NELL2: variants seen among roughly 807,000 people sequenced by gnomAD.
The protein encoded by NELL2 is protein kinase C-binding protein NELL2.
In NELL2, 41 loss-of-function variants were observed where a neutral mutation model predicts 109.6. The ratio of observed to expected loss-of-function variants is 0.37; its 90% CI spans 0.29 to 0.49. The LOEUF (loss-of-function observed/expected upper bound fraction) is 0.49. Ranked by LOEUF, NELL2 falls within the 20% of genes least tolerant of loss-of-function variation. The pLI is 0.98. For synonymous variants in NELL2, 355 were observed against 344.7 expected, an observed-to-expected ratio of 1.03 and a Z score of -0.33; for missense variants, 900 against 1,008.3, an observed-to-expected ratio of 0.89 and a Z score of 1.45.
chr12:44,588,031 G>A (rs1421062336), intron 15 of NELL2, among the ~76,000 whole-genome samples: 1 of 151,996 alleles, frequency 6.6e-6, no homozygotes, highest in Non-Finnish European at 1.5e-5. Context: ...GGCACCTGTA[G>A]TCCCAGCCAC....
At chr12:44,906,609 A>G (rs527719937) in intron 1 of NELL2, among the ~76,000 whole-genome samples, 19 of 152,170 alleles carry the variant, frequency 1.2e-4, no homozygotes, top group African/African-American at 3.4e-4. Flanking sequence ...TTGAGATATG[A>G]GAGAAAAAGA....
At chr12:44,852,927 T>C (rs904232829) in intron 2 of NELL2, among the ~76,000 whole-genome samples, 3 of 152,152 alleles carry the variant, frequency 2.0e-5, no homozygotes, top group African/African-American at 7.2e-5. Context: ...GCACCTATGA[T>C]AAGGATAATG....
At chr12:44,584,986 C>T (rs1944443515) in intron 15 of NELL2, among the ~76,000 whole-genome samples, 1 of 152,132 alleles carries the variant, frequency 6.6e-6, no homozygotes, top group African/African-American at 2.4e-5. Context: ...GCTTGATAGG[C>T]CTTTGTGACT....
At chr12:44,640,522 T>C (rs1247668146) in intron 13 of NELL2, among the ~76,000 whole-genome samples, 1 of 152,204 alleles carries the variant, frequency 6.6e-6, no homozygotes, top group Non-Finnish European at 1.5e-5. Flanking sequence ...CTCAAAAATT[T>C]TAAAATCAAT....
intron 3 of NELL2, among the ~76,000 whole-genome samples, chr12:44,791,678 G>A (rs904533229): frequency 1.3e-5 from 2 of 152,040 alleles, no homozygotes; most frequent in Non-Finnish European, 2.9e-5. Context: ...TGACTCTAAT[G>A]TTTTGTACTT....
At chr12:44,525,526 T>C (rs1291102753) in intron 16 of NELL2, among the ~76,000 whole-genome samples, 1 of 152,188 alleles carries the variant, frequency 6.6e-6, no homozygotes, top group African/African-American at 2.4e-5. Flanking sequence ...CAGAAACTTT[T>C]CCCAACTAAC....
At chr12:44,514,298 G>C (rs560308479) in intron 19 of NELL2, among the ~76,000 whole-genome samples, 16 of 151,970 alleles carry the variant, frequency 1.1e-4, no homozygotes, top group African/African-American at 3.9e-4. Context: ...AATGTAACCA[G>C]ATGGAGACTC....
At chr12:44,898,426 C>T (rs1013335721) in intron 1 of NELL2, among the ~76,000 whole-genome samples, 4 of 152,200 alleles carry the variant, frequency 2.6e-5, no homozygotes, top group Non-Finnish European at 4.4e-5. Flanking sequence ...GCAAACTCTG[C>T]TGTTCTGCAG....
At chr12:44,862,583 A>C (rs1001939093) in intron 2 of NELL2, among the ~76,000 whole-genome samples, 2 of 152,252 alleles carry the variant, frequency 1.3e-5, no homozygotes, top group Non-Finnish European at 2.9e-5. Context: ...AAAATCAGTC[A>C]GATTTGCTTC....
chr12:44,520,267 G>T, intron 18 of NELL2, 38 bp from the exon 19 acceptor site: 1 of 1,545,008 alleles, frequency 6.5e-7, no homozygotes, highest in Non-Finnish European at 8.8e-7. Context: ...AGAGGGAGAG[G>T]GAGGAGGAAA....
intron 9 of NELL2, among the ~76,000 whole-genome samples, chr12:44,723,551 T>C (rs977853305): frequency 2.0e-5 from 3 of 152,190 alleles, no homozygotes; most frequent in Admixed American, 1.3e-4. Context: ...TTAGTATGGA[T>C]TCCTTGATTG....
chr12:44,817,566 A>G (rs1366907222), intron 2 of NELL2, among the ~76,000 whole-genome samples: 1 of 152,192 alleles, frequency 6.6e-6, no homozygotes, highest in African/African-American at 2.4e-5. Flanking sequence ...TCAGGAGTTT[A>G]CCAGGTAGAG....
chr12:44,551,649 T>C (rs577486434), intron 15 of NELL2, among the ~76,000 whole-genome samples: 1 of 152,210 alleles, frequency 6.6e-6, no homozygotes, highest in African/African-American at 2.4e-5. Flanking sequence ...GGAAAACTCA[T>C]AGAATTCTAA....
intron 11 of NELL2, among the ~76,000 whole-genome samples, 179 bp downstream of exon 11, chr12:44,711,113 T>A (rs373240891): frequency 5.9e-5 from 9 of 152,140 alleles, no homozygotes; most frequent in East Asian, 3.9e-4. Flanking sequence ...TTAATTCAGT[T>A]CAGTAAATAT....
At chr12:44,773,344 C>T (rs960982670) in intron 9 of NELL2, among the ~76,000 whole-genome samples, 1 of 152,048 alleles carries the variant, frequency 6.6e-6, no homozygotes, top group African/African-American at 2.4e-5. Flanking sequence ...GGCGTAGTGG[C>T]AGGCACCTGT....
chr12:44,801,895 A>T (rs943063694), intron 3 of NELL2, among the ~76,000 whole-genome samples: 11 of 151,584 alleles, frequency 7.3e-5, no homozygotes, highest in Non-Finnish European at 1.6e-4. Context: ...CCAGGCACAG[A>T]GGATACAGAA....
At chr12:44,917,013 T>C (rs1340978417), upstream of NELL2, among the ~76,000 whole-genome samples, 2 of 152,178 alleles carry the variant, frequency 1.3e-5, no homozygotes, top group African/African-American at 4.8e-5. Context: ...CATCTATTAA[T>C]AAGAAAACCT....
At chr12:44,837,516 C>G (rs184347417) in intron 2 of NELL2, among the ~76,000 whole-genome samples, 1 of 152,246 alleles carries the variant, frequency 6.6e-6, no homozygotes, top group African/African-American at 2.4e-5. Flanking sequence ...TGCTCTTAAC[C>G]TCTACACTAC....
intron 9 of NELL2, among the ~76,000 whole-genome samples, chr12:44,718,105 C>T (rs1486183204): frequency 6.6e-6 from 1 of 152,194 alleles, no homozygotes; most frequent in Non-Finnish European, 1.5e-5. Context: ...AATGTTGTCC[C>T]TCCTTGAGAT....
Sources: allele counts gnomAD v4.1 joint callset (sites outside exome capture counted in the v4.1 genomes callset), GRCh38; gene constraint gnomAD v4.1.1; transcripts MANE v1.5; gene names NCBI Gene and HGNC (gene_info 2026-07-23, HGNC 2026-07-21).